IL12B: variants seen among roughly 807,000 people sequenced by gnomAD.
IL12B encodes the protein interleukin-12 subunit beta.
IL12B carries 27 observed loss-of-function variants against 39.2 expected under a neutral mutation model. That is an observed-to-expected ratio of 0.69 (90% CI 0.51 to 0.95). The LOEUF is 0.95. Ranked by LOEUF, IL12B falls within the 40% of genes least tolerant of loss-of-function variation. The probability of loss-of-function intolerance (pLI) is 0.00; values close to 1 mark genes in which losing one functional copy is unlikely to be tolerated. For missense variants in IL12B, 351 were observed against 397.6 expected, an observed-to-expected ratio of 0.88 and a Z score of 1.00; for synonymous variants, 142 against 152.1, an observed-to-expected ratio of 0.93 and a Z score of 0.49.
chr5:159,330,244 A>T (rs1013403744), intron 1 of IL12B, among the ~76,000 whole-genome samples, 188 bp downstream of exon 1: 1 of 152,220 alleles, frequency 6.6e-6, no homozygotes, highest in Admixed American at 6.5e-5. Context: ...TAAAATGGAC[A>T]CTGTACATCG....
chr5:159,320,328 G>A lies in IL12B; in HGVS notation c.675C>T (p.Ser225=). The change falls in exon 5 of 8, where the codon AGC becomes AGT. Residue 225 remains serine, a synonymous_variant. Coordinates refer to ENST00000231228, the MANE Select transcript of IL12B (RefSeq NM_002187.3). ...VHKLKYENYT[S]SFFIRDIIKP... ...CACTGATGTCCCTGATGAAGAAGCT[G>A]CTGGTGTAGTTTTCATACTTGAGCT... 1 of 1,614,004 alleles carries A rather than the reference G, an allele frequency of 6.2e-7. No individual in the cohort carries two copies. The highest frequency in any genetic ancestry group is 8.5e-7 in the Non-Finnish European group (1 of 1,179,924).
rs1584751306 is a variant in IL12B, at chr5:159,315,574, T to C, written c.*527A>G. On this transcript the variant is annotated 3_prime_UTR_variant, in exon 8 of 8. Coordinates refer to ENST00000231228, the MANE Select transcript of IL12B (RefSeq NM_002187.3). The stretch of plus-strand genomic sequence containing the variant: ...CCTGGATCTTCTCAACAGGTTTGCA[T>C]TGTCAGGTTTCCATGTAAGTATCTC... 1 of 152,776 alleles carries C rather than the reference T, an allele frequency of 6.5e-6. No individual in the cohort carries two copies. Among genetic ancestry groups the C allele is most frequent in the African/African-American group, 2.4e-5 (1 of 41,460 alleles). The allele number at this position is 152,776 out of a possible 1,614,324, so 9.5% of individuals were successfully genotyped here.
In IL12B at chr5:159,326,786, T is replaced by C. The variant is rs775518470; in HGVS notation, c.1-4A>G. On this transcript the variant is annotated splice_polypyrimidine_tract_variant and splice_region_variant and intron_variant, in intron 1 of 7. Coordinates refer to ENST00000231228, the MANE Select transcript of IL12B (RefSeq NM_002187.3). ...TGACCAACTGCTGGTGACACATCTA[T>C]AAGAAGGGAGAGAAGCAGGGGGAAG... is the stretch of plus-strand genomic sequence containing the variant. The C allele has an allele frequency of 1.4e-5, 22 of 1,586,236 alleles. No individual in the cohort carries two copies. Among genetic ancestry groups the C allele is most frequent in the Non-Finnish European group, 1.8e-5 (21 of 1,155,068 alleles).
At chr5:159,325,951 C>T (rs1341161639) in intron 2 of IL12B, among the ~76,000 whole-genome samples, 2 of 152,158 alleles carry the variant, frequency 1.3e-5, no homozygotes, top group African/African-American at 4.8e-5. Flanking sequence ...TTACCATTAA[C>T]TATTCTATTA....
intron 1 of IL12B, among the ~76,000 whole-genome samples, chr5:159,327,984 A>G (rs1435607075): frequency 6.6e-6 from 1 of 152,192 alleles, no homozygotes; most frequent in Admixed American, 6.5e-5. Context: ...GTCTGGAGGA[A>G]AGTGGTTCTG....
intron 5 of IL12B, among the ~76,000 whole-genome samples, chr5:159,319,486 A>G (rs1754049081): frequency 6.6e-6 from 1 of 152,208 alleles, no homozygotes; most frequent in Non-Finnish European, 1.5e-5. Flanking sequence ...AGTTTCACAA[A>G]GACTCCTTCC....
In IL12B at chr5:159,320,454, G is replaced by T; in HGVS notation, c.549C>A (p.Asp183Glu). ...ATLSAERVRG[D>E]NKEYEYSVEC... The stretch of plus-strand genomic sequence containing the variant: ...CCACTGAGTACTCATACTCCTTGTT[G>T]TCCCCTCTGACTCTCTCTGCAGAGA... Residue 183 changes from aspartate (D) to glutamate (E), a missense_variant, in exon 5 of 8, where the codon GAC (aspartate) becomes GAA (glutamate). Physicochemically the swap from Asp to Glu is conservative, Grantham distance 45. Transcript: ENST00000231228. 1 of 1,614,126 alleles carries T rather than the reference G, an allele frequency of 6.2e-7. No homozygotes were observed. The highest frequency in any genetic ancestry group is 8.5e-7 in the Non-Finnish European group (1 of 1,180,000).
At chr5:159,327,041 G>T (rs1033325416) in intron 1 of IL12B, among the ~76,000 whole-genome samples, 2 of 152,014 alleles carry the variant, frequency 1.3e-5, no homozygotes, top group African/African-American at 4.8e-5. Flanking sequence ...GGGTATTTGG[G>T]GCTCTGGAGC....
intron 1 of IL12B, 130 bp downstream of exon 1, chr5:159,330,302 C>G (rs1377849882): frequency 6.6e-6 from 1 of 152,184 alleles, no homozygotes; most frequent in African/African-American, 2.4e-5. Context: ...GATGACTCAC[C>G]AGGGATGCTT....
Position 159,316,043 on chromosome 5 carries a change from T to C in IL12B, c.*58A>G, listed in dbSNP as rs1192576438. On this transcript the variant is annotated 3_prime_UTR_variant, in exon 8 of 8. Coordinates refer to ENST00000231228, the MANE Select transcript of IL12B (RefSeq NM_002187.3). ...TTTTGGGTCTATTCCGTTGTGTCTT[T>C]AAACATTTTGCTTAATATCTTCCAC... 6.5e-6 allele frequency: 1 copy of C among 153,638 alleles called. No homozygotes were observed. The highest frequency in any genetic ancestry group is 1.5e-5 in the Non-Finnish European group (1 of 68,944). 9.5% of individuals were successfully genotyped at this position (153,638 alleles called of 1,614,324 possible).
At chr5:159,320,689 G>T (rs185233554) in intron 4 of IL12B, among the ~76,000 whole-genome samples, 169 bp from the exon 5 acceptor site, 17 of 152,342 alleles carry the variant, frequency 1.1e-4, no homozygotes, top group Admixed American at 1.1e-3. Flanking sequence ...AGGAGAAAAA[G>T]CTTAAATTCA....
intron 4 of IL12B, among the ~76,000 whole-genome samples, chr5:159,321,588 T>A (rs1195625692): frequency 6.6e-6 from 1 of 152,142 alleles, no homozygotes; most frequent in Non-Finnish European, 1.5e-5. Context: ...ATGGGTTGGG[T>A]TATCCACTTC....
At chr5:159,328,937 C>A (rs1754234317) in intron 1 of IL12B, among the ~76,000 whole-genome samples, 1 of 152,184 alleles carries the variant, frequency 6.6e-6, no homozygotes, top group Non-Finnish European at 1.5e-5. Flanking sequence ...GGCCCATCAG[C>A]TGATACTAGG....
In IL12B at chr5:159,323,346, G is replaced by A. The variant is rs991082660; in HGVS notation, c.89-17C>T. 4 of 1,612,510 alleles carry A rather than the reference G, an allele frequency of 2.5e-6. No individual in the cohort carries two copies. The Admixed American group carries it at 5.0e-5, about 20-fold the overall frequency. ...CGACATAAACTGGAATGCACATAAAGTGGAGAACCAGGCTGTAAGCTCCAG... is the reference window on the plus strand; with the variant it reads ...CGACATAAACTGGAATGCACATAAAATGGAGAACCAGGCTGTAAGCTCCAG... On this transcript the variant is annotated splice_polypyrimidine_tract_variant and intron_variant, in intron 2 of 7. Coordinates refer to ENST00000231228, the MANE Select transcript of IL12B (RefSeq NM_002187.3).
At chr5:159,329,151 C>T (rs547373530) in intron 1 of IL12B, among the ~76,000 whole-genome samples, 1 of 152,286 alleles carries the variant, frequency 6.6e-6, no homozygotes, top group Non-Finnish European at 1.5e-5. Context: ...ATCAGCATGC[C>T]AATGACGCTT....
Position 159,320,475 on chromosome 5 carries a change from A to C in IL12B, c.528T>G (p.Ser176=). 1 of 1,614,152 alleles carries C rather than the reference A, an allele frequency of 6.2e-7. No homozygotes were observed. The highest frequency in any genetic ancestry group is 8.5e-7 in the Non-Finnish European group (1 of 1,180,006). ...QGVTCGAATL[S]AERVRGDNKE... ...TGTTGTCCCCTCTGACTCTCTCTGC[A>C]GAGAGTGTAGCAGCTCCGCACGTCA... is the stretch of plus-strand genomic sequence containing the variant. Residue 176 remains serine, a synonymous_variant, in exon 5 of 8, where the codon TCT becomes TCG. Coordinates refer to ENST00000231228, the MANE Select transcript of IL12B (RefSeq NM_002187.3).
chr5:159,314,785 T>C lies in IL12B; in HGVS notation c.*1316A>G, dbSNP rs1753960957. ...TCAGCTGAGAATGCCCAAAATATGA[T>C]TACAAAGAAGAGTTTTTATTAGTTC... On this transcript the variant is annotated 3_prime_UTR_variant, in exon 8 of 8. Transcript: ENST00000231228. 6.6e-6 allele frequency: 1 copy of C among 152,170 alleles called. No homozygotes were observed. The highest frequency in any genetic ancestry group is 6.6e-5 in the Admixed American group (1 of 15,258). 9.4% of individuals were successfully genotyped at this position (152,170 alleles called of 1,614,324 possible).
At chr5:159,320,766 CT>C (rs1562112502) in intron 4 of IL12B, among the ~76,000 whole-genome samples, 1 of 152,194 alleles carries the variant, frequency 6.6e-6, no homozygotes, top group East Asian at 1.9e-4. Flanking sequence ...TCTAGAATCT[CT>C]GATTATTAAA....
At chr5:159,316,387 G>T (rs1053405111) in intron 7 of IL12B, among the ~76,000 whole-genome samples, 6 of 152,312 alleles carry the variant, frequency 3.9e-5, no homozygotes, top group Admixed American at 2.0e-4. Context: ...CTGCAAGCTT[G>T]CAAGTCCTCC....
Sources: allele counts gnomAD v4.1 joint callset (sites outside exome capture counted in the v4.1 genomes callset), GRCh38; gene constraint gnomAD v4.1.1; transcripts MANE v1.5; gene names NCBI Gene and HGNC (gene_info 2026-07-23, HGNC 2026-07-21).